The following GALNT18 variants were observed in gnomAD, a reference collection of about 807,000 sequenced individuals.
GALNT18 encodes the protein polypeptide N-acetylgalactosaminyltransferase 18.
GALNT18 carries 44 observed loss-of-function variants against 69.5 expected under a neutral mutation model. The ratio of observed to expected loss-of-function variants is 0.63; its 90% CI spans 0.50 to 0.81. GALNT18 has a LOEUF of 0.81. Ranked by LOEUF, GALNT18 falls within the 40% of genes least tolerant of loss-of-function variation. GALNT18 has a pLI of 0.00. For missense variants in GALNT18, 715 were observed against 810.0 expected, an observed-to-expected ratio of 0.88 and a Z score of 1.42; for synonymous variants, 364 against 318.2, an observed-to-expected ratio of 1.14 and a Z score of -1.53.
chr11:11,593,435 A>T (rs1266025627), intron 1 of GALNT18, among the ~76,000 whole-genome samples: 1 of 152,202 alleles, frequency 6.6e-6, no homozygotes, highest in Non-Finnish European at 1.5e-5. Context: ...CAGTTTCTGA[A>T]AGGTACTATG....
intron 3 of GALNT18, among the ~76,000 whole-genome samples, chr11:11,419,596 CAAAAAAAAAAA>C (rs58012512): frequency 5.6e-4 from 15 of 26,618 alleles, no homozygotes; most frequent in Non-Finnish European, 8.0e-4. Flanking sequence ...GATCCTGTCT[CAAAAAAAAAAA>C]AAAAAAAAAA....
At position 11,546,906 on chromosome 11, in the gene GALNT18, G is replaced by C. The variant is rs1055327285; in HGVS notation, c.235+74453C>G. Among the ~76,000 whole-genome samples, 2 of 152,016 alleles carry C rather than the reference G, an allele frequency of 1.3e-5. No homozygotes were observed. Among genetic ancestry groups the C allele is most frequent in the African/African-American group, 4.8e-5 (2 of 41,384 alleles). On this transcript the variant is annotated intron_variant, in intron 1 of 10. Transcript: ENST00000227756. This position sits in a 1 kb window ranked among gnomAD's most constrained non-coding sequence, Gnocchi z 5.8. ...TGTGTATGGATGAATGGATAGATGG[G>C]TAGGTGGATGGATATGGAATCTTCT...
rs1236839679 is a variant in GALNT18, at chr11:11,543,573, G to A, written c.235+77786C>T. Among the ~76,000 whole-genome samples the A allele has an allele frequency of 6.6e-6, 1 of 152,154 alleles. No individual in the cohort carries two copies. ...TCCCACAGCATGCCAGGGGCCAGGG[G>A]TGTGGGGAAGGGCAGGGCTGCATGG... On this transcript the variant is annotated intron_variant, in intron 1 of 10. Transcript: ENST00000227756. The surrounding 1 kb of genome is among the most constrained non-coding windows in gnomAD (Gnocchi z 5.1).
At position 11,600,558 on chromosome 11, in the gene GALNT18, A is replaced by G. The variant is rs1859607961; in HGVS notation, c.235+20801T>C. Among the ~76,000 whole-genome samples, 1 of 152,034 alleles carries G rather than the reference A, an allele frequency of 6.6e-6. No homozygotes were observed. The highest frequency in any genetic ancestry group is 2.4e-5 in the African/African-American group (1 of 41,410). On this transcript the variant is annotated intron_variant, in intron 1 of 10. Transcript: ENST00000227756. This position sits in a 1 kb window ranked among gnomAD's most constrained non-coding sequence, Gnocchi z 4.8. The stretch of plus-strand genomic sequence containing the variant: ...GTAGGTGATAAGTGGTCTTTCTGTT[A>G]CTGCTTCCAAGATTTTCTCTCTCTT...
At chr11:11,282,175 ACT>A (rs746091080) in intron 10 of GALNT18, among the ~76,000 whole-genome samples, 3 of 151,110 alleles carry the variant, frequency 2.0e-5, no homozygotes, top group African/African-American at 7.3e-5. Flanking sequence ...CACTGAACAG[ACT>A]CTTTCTTCTT....
chr11:11,343,765 T>C (rs1248593443), intron 6 of GALNT18, among the ~76,000 whole-genome samples: 2 of 152,078 alleles, frequency 1.3e-5, no homozygotes, highest in African/African-American at 4.8e-5. Context: ...AGAGCATGAG[T>C]CGTAGCAAAA....
At chr11:11,580,616 T>A (rs1216280917) in intron 1 of GALNT18, among the ~76,000 whole-genome samples, 1 of 152,246 alleles carries the variant, frequency 6.6e-6, no homozygotes, top group African/African-American at 2.4e-5. Flanking sequence ...CTGGAACAGA[T>A]GGGCACTGCC....
At chr11:11,462,165 C>T (rs1168739873) in intron 1 of GALNT18, among the ~76,000 whole-genome samples, 1 of 152,218 alleles carries the variant, frequency 6.6e-6, no homozygotes, top group Non-Finnish European at 1.5e-5. Flanking sequence ...TGAGAGGATG[C>T]TAAGGCTGCC....
chr11:11,501,082 A>T (rs1435751743), intron 1 of GALNT18, among the ~76,000 whole-genome samples: 1 of 152,242 alleles, frequency 6.6e-6, no homozygotes, highest in African/African-American at 2.4e-5. Context: ...ACTCACAGAG[A>T]TAAAAAATGA....
Position 11,284,919 on chromosome 11 carries a change from T to G in GALNT18, c.1677+8110A>C, listed in dbSNP as rs970046877. Among the ~76,000 whole-genome samples, 323 of 147,348 alleles carry G rather than the reference T, an allele frequency of 2.2e-3. 9 individuals are homozygous for G. Among genetic ancestry groups the G allele is most frequent in the African/African-American group, 7.3e-3 (285 of 39,274 alleles). ...GTAAAGACTTTCGTGTTTTTTTTTTTTTTTTTTTTTTAACTACTTGGGCGT... is the reference window on the plus strand; with the variant it reads ...GTAAAGACTTTCGTGTTTTTTTTTTGTTTTTTTTTTTAACTACTTGGGCGT... On this transcript the variant is annotated intron_variant, in intron 10 of 10. Coordinates refer to ENST00000227756, the MANE Select transcript of GALNT18 (RefSeq NM_198516.3).
chr11:11,457,136 TTCA>T (rs1855942129), intron 1 of GALNT18, among the ~76,000 whole-genome samples: 1 of 152,224 alleles, frequency 6.6e-6, no homozygotes, highest in Non-Finnish European at 1.5e-5. Context: ...AGGGTTCTGC[TTCA>T]GTGGGCAGTC....
intron 1 of GALNT18, among the ~76,000 whole-genome samples, chr11:11,458,004 T>C (rs778951998): frequency 5.9e-4 from 90 of 152,212 alleles, no homozygotes; most frequent in Non-Finnish European, 1.0e-3. Context: ...CTGTCTGCCA[T>C]GGGCCCCGAG....
rs188903454 is a variant in GALNT18 at position 11,309,780 on chromosome 11, C to G, written c.1513-16587G>C. On this transcript the variant is annotated intron_variant, in intron 9 of 10. Coordinates refer to ENST00000227756, the MANE Select transcript of GALNT18 (RefSeq NM_198516.3). This position sits in a 1 kb window ranked among gnomAD's most constrained non-coding sequence, Gnocchi z 4.6. ...AAACCTTCTCCATTCTCTCACATAC[C>G]CAGATCCCCTTATGCTTCAGTTGCA... 4.6e-5 allele frequency among the ~76,000 whole-genome samples: 7 copies of G among 152,222 alleles called. No individual in the cohort carries two copies. In the East Asian group the frequency reaches 1.4e-3, roughly 29 times the overall value.
intron 7 of GALNT18, among the ~76,000 whole-genome samples, chr11:11,334,712 C>T (rs149208705): frequency 2.8e-3 from 422 of 152,264 alleles, no homozygotes; most frequent in African/African-American, 9.6e-3. Flanking sequence ...TGACCTCATC[C>T]GTGACTTGTC....
chr11:11,595,393 C>A lies in GALNT18; in HGVS notation c.235+25966G>T, dbSNP rs887581645. Among the ~76,000 whole-genome samples, 1 of 152,162 alleles carries A rather than the reference C, an allele frequency of 6.6e-6. No individual in the cohort carries two copies. The highest frequency in any genetic ancestry group is 1.5e-5 in the Non-Finnish European group (1 of 68,020). Reference sequence around the variant, plus strand: ...AGAAGAGAGACTTCACCAGACAGAACCCCATCAAGCTGGCACCCTGATCTT... The same window carrying A: ...AGAAGAGAGACTTCACCAGACAGAAACCCATCAAGCTGGCACCCTGATCTT... On this transcript the variant is annotated intron_variant, in intron 1 of 10. Coordinates refer to ENST00000227756, the MANE Select transcript of GALNT18 (RefSeq NM_198516.3). This position sits in a 1 kb window ranked among gnomAD's most constrained non-coding sequence, Gnocchi z 5.2.
rs925247135 is a variant in GALNT18, at chr11:11,613,500, T to C, written c.235+7859A>G. Among the ~76,000 whole-genome samples, 1 of 152,242 alleles carries C rather than the reference T, an allele frequency of 6.6e-6. No homozygotes were observed. Among genetic ancestry groups the C allele is most frequent in the Admixed American group, 6.5e-5 (1 of 15,286 alleles). The stretch of plus-strand genomic sequence containing the variant: ...AAATAAAGGGTGGAGTAAGAATGAA[T>C]GCAATGTGTTAGGAGGTGCATCCTC... On this transcript the variant is annotated intron_variant, in intron 1 of 10. Transcript: ENST00000227756. This position sits in a 1 kb window ranked among gnomAD's most constrained non-coding sequence, Gnocchi z 4.2.
At position 11,563,731 on chromosome 11, in the gene GALNT18, C is replaced by G. The variant is rs1858574120; in HGVS notation, c.235+57628G>C. On this transcript the variant is annotated intron_variant, in intron 1 of 10. Transcript: ENST00000227756. The surrounding 1 kb of genome is among the most constrained non-coding windows in gnomAD (Gnocchi z 4.6). ...AAGTCTAACACTCTCTCCTCCCAGC[C>G]CTGCCTCCCTAGCACCACACTTTTG... 6.6e-6 allele frequency among the ~76,000 whole-genome samples: 1 copy of G among 152,206 alleles called. No homozygotes were observed. The highest frequency in any genetic ancestry group is 6.5e-5 in the Admixed American group (1 of 15,288).
rs540511833 is a variant in GALNT18, at chr11:11,545,028, A to T, written c.235+76331T>A. On this transcript the variant is annotated intron_variant, in intron 1 of 10. Transcript: ENST00000227756. ...CAAATAATTAGAGCAGTATTTACAG[A>T]GTATCAGATCATTCCATTGCTGTGC... Among the ~76,000 whole-genome samples, 3 of 152,324 alleles carry T rather than the reference A, an allele frequency of 2.0e-5. No homozygotes were observed. In the East Asian group the frequency reaches 5.8e-4, roughly 29 times the overall value.
chr11:11,621,646 C>A lies in GALNT18; in HGVS notation c.-53G>T. On this transcript the variant is annotated 5_prime_UTR_variant, in exon 1 of 11. Transcript: ENST00000227756. This position sits in a 1 kb window ranked among gnomAD's most constrained non-coding sequence, Gnocchi z 9.3. ...CCCGGGGGCCCTTCCTTGTCGTGCG[C>A]CCCGAACTCCCCCGCGCTCGCACCC... is the stretch of plus-strand genomic sequence containing the variant. The A allele has an allele frequency of 1.5e-6, 2 of 1,332,224 alleles. No individual in the cohort carries two copies. Among genetic ancestry groups the A allele is most frequent in the South Asian group, 1.3e-5 (1 of 76,464 alleles). 82.5% of individuals were successfully genotyped at this position (1,332,224 alleles called of 1,614,324 possible). A position where few individuals can be genotyped will look rare whatever the true frequency, so the allele number is the denominator to read the frequency against.
Sources: allele counts gnomAD v4.1 joint callset (sites outside exome capture counted in the v4.1 genomes callset), GRCh38; gene constraint gnomAD v4.1.1; non-coding constraint Gnocchi (gnomAD v3.1); transcripts MANE v1.5; gene names NCBI Gene and HGNC (gene_info 2026-07-23, HGNC 2026-07-21).